DSTN: variants seen among roughly 807,000 people sequenced by gnomAD.
The protein encoded by DSTN is destrin, actin depolymerizing factor.
DSTN carries 10 observed loss-of-function variants against 16.8 expected under a neutral mutation model. That is an observed-to-expected ratio of 0.60 (90% CI 0.37 to 1.01). DSTN has a LOEUF of 1.01. Among genes scored for constraint, DSTN ranks in the 50% least tolerant of loss-of-function variants. The pLI, the probability that DSTN is intolerant of heterozygous loss-of-function variation, is 0.01. For missense variants in DSTN, 141 were observed against 196.7 expected, an observed-to-expected ratio of 0.72 and a Z score of 1.69; for synonymous variants, 57 against 58.9, an observed-to-expected ratio of 0.97 and a Z score of 0.14.
At chr20:17,586,246 T>A (rs988483166) in intron 1 of DSTN, among the ~76,000 whole-genome samples, 1 of 152,236 alleles carries the variant, frequency 6.6e-6, no homozygotes, top group Non-Finnish European at 1.5e-5. Context: ...AACCTTTATA[T>A]GCACAGGGAA....
At position 17,600,836 on chromosome 20, in the gene DSTN, G is replaced by A; in HGVS notation, c.102G>A (p.Lys34=). ...STPEEIKKRK[K]AVIFCLSADK... ...CAGAAGAAATCAAGAAAAGAAAGAAGGCTGTCATTTTTTGTCTCAGTGCAG... is the reference window on the plus strand; with the variant it reads ...CAGAAGAAATCAAGAAAAGAAAGAAAGCTGTCATTTTTTGTCTCAGTGCAG... The change falls in exon 2 of 4, where the codon AAG becomes AAA. Residue 34 remains lysine, a synonymous_variant. Transcript: ENST00000246069. The A allele has an allele frequency of 6.2e-7, 1 of 1,613,784 alleles. No individual in the cohort carries two copies. Among genetic ancestry groups the A allele is most frequent in the Non-Finnish European group, 8.5e-7 (1 of 1,179,818 alleles).
chr20:17,605,819 C>T (rs1447985179), intron 3 of DSTN, among the ~76,000 whole-genome samples: 4 of 152,136 alleles, frequency 2.6e-5, no homozygotes, highest in Admixed American at 2.0e-4. Context: ...AAGATAGTGG[C>T]CGGCTGGGTG....
intron 1 of DSTN, chr20:17,596,858 T>G (rs1224971835): frequency 2.1e-6 from 2 of 944,242 alleles, no homozygotes; most frequent in African/African-American, 3.5e-5. Flanking sequence ...TTTACTTTGT[T>G]TTTGATTACT....
intron 1 of DSTN, among the ~76,000 whole-genome samples, chr20:17,592,642 A>T (rs983673625): frequency 1.3e-4 from 20 of 152,126 alleles, no homozygotes; most frequent in South Asian, 8.3e-4. Context: ...AGTCATGAAG[A>T]GCCATACTAC....
rs144137183 is a variant in DSTN, at chr20:17,579,354, C to A, written c.3+9143C>A. Among the ~76,000 whole-genome samples, 358 of 152,192 alleles carry A rather than the reference C, an allele frequency of 2.4e-3. 1 individual carries two copies. Among genetic ancestry groups the A allele is most frequent in the Non-Finnish European group, 4.1e-3 (280 of 68,004 alleles). On this transcript the variant is annotated intron_variant, in intron 1 of 3. Transcript: ENST00000246069. The stretch of plus-strand genomic sequence containing the variant: ...CATTGGGAGGCCAAAGCAGGCAGAT[C>A]GCTTGAGCTTACGAGTTCGAGACCG...
chr20:17,591,363 C>A (rs1448460261), intron 1 of DSTN, among the ~76,000 whole-genome samples: 1 of 149,536 alleles, frequency 6.7e-6, no homozygotes, highest in Non-Finnish European at 1.5e-5. Flanking sequence ...TTGGGCAATC[C>A]TGTATATTTT....
At chr20:17,575,341 C>G (rs1012526868) in intron 1 of DSTN, among the ~76,000 whole-genome samples, 43 of 152,158 alleles carry the variant, frequency 2.8e-4, no homozygotes, top group African/African-American at 9.9e-4. Context: ...CATACAAATG[C>G]GTTGATTTTG....
At chr20:17,598,344 A>G (rs1026606610) in intron 1 of DSTN, among the ~76,000 whole-genome samples, 1 of 152,214 alleles carries the variant, frequency 6.6e-6, no homozygotes, top group Admixed American at 6.5e-5. Context: ...CCATGGCCCC[A>G]CAAACATTTG....
chr20:17,572,665 C>T (rs1039936883), intron 1 of DSTN, among the ~76,000 whole-genome samples: 1 of 152,214 alleles, frequency 6.6e-6, no homozygotes, highest in African/African-American at 2.4e-5. Context: ...AAAAACACTA[C>T]AACCCAGTGA....
chr20:17,572,654 C>CA (rs988831450), intron 1 of DSTN, among the ~76,000 whole-genome samples: 2 of 152,138 alleles, frequency 1.3e-5, no homozygotes, highest in African/African-American at 4.8e-5. Flanking sequence ...TGGTGATTAG[C>CA]AAAAACACTA....
At chr20:17,583,871 G>C (rs1387295707) in intron 1 of DSTN, among the ~76,000 whole-genome samples, 2 of 148,492 alleles carry the variant, frequency 1.3e-5, no homozygotes, top group Non-Finnish European at 3.0e-5. Context: ...TGAATAGCTG[G>C]AACTACAGGC....
intron 3 of DSTN, among the ~76,000 whole-genome samples, chr20:17,605,523 T>C (rs2035632376): frequency 6.6e-6 from 1 of 152,238 alleles, no homozygotes; most frequent in Admixed American, 6.5e-5. Context: ...AGAACAGGTT[T>C]GCCCTAGCCT....
intron 1 of DSTN, among the ~76,000 whole-genome samples, chr20:17,574,786 ATGAC>A (rs768794580): frequency 1.1e-4 from 16 of 147,648 alleles, no homozygotes; most frequent in East Asian, 4.0e-4. Flanking sequence ...ACAAGTAAAC[ATGAC>A]TGACTTTCTT....
rs1057376366 is a variant in DSTN, at chr20:17,604,441, T to C, written c.312-114T>C. 10 of 1,086,436 alleles carry C rather than the reference T, an allele frequency of 9.2e-6. No homozygotes were observed. The African/African-American group carries it at 1.1e-4, about 12-fold the overall frequency. 67.3% of individuals were successfully genotyped at this position (1,086,436 alleles called of 1,614,324 possible). ...AAAAATGTGCAGTTAAGAAAAAATA[T>C]CTCAGGAGAGTCTGAGGATTCTCAG... is the stretch of plus-strand genomic sequence containing the variant. On this transcript the variant is annotated intron_variant, in intron 2 of 3. Coordinates refer to ENST00000246069, the MANE Select transcript of DSTN (RefSeq NM_006870.4).
chr20:17,593,837 G>C (rs2035496652), intron 1 of DSTN, among the ~76,000 whole-genome samples: 1 of 152,142 alleles, frequency 6.6e-6, no homozygotes, highest in Admixed American at 6.5e-5. Flanking sequence ...TCAGCACTTT[G>C]GGAGGCCAAG....
chr20:17,609,855 T>C lies in DSTN; in HGVS notation c.*2709T>C, dbSNP rs1356301860. The C allele has an allele frequency of 2.0e-5, 3 of 152,210 alleles. No homozygotes were observed. The highest frequency in any genetic ancestry group is 6.5e-5 in the Admixed American group (1 of 15,280). 9.4% of individuals were successfully genotyped at this position (152,210 alleles called of 1,614,324 possible). On this transcript the variant is annotated 3_prime_UTR_variant, in exon 4 of 4. Transcript: ENST00000246069. ...ATATGTTTGTGGAAAGCTGACTTAG[T>C]CTCATCTAGCGGTTACTCTCTTGCC...
At chr20:17,603,006 C>A (rs559419503) in intron 2 of DSTN, among the ~76,000 whole-genome samples, 1 of 152,088 alleles carries the variant, frequency 6.6e-6, no homozygotes. Context: ...GGTGACAGAG[C>A]GAGACTCCGC....
intron 1 of DSTN, among the ~76,000 whole-genome samples, chr20:17,597,486 A>G (rs564880621): frequency 3.6e-4 from 55 of 152,312 alleles, no homozygotes; most frequent in African/African-American, 8.4e-4. Context: ...GTATAAATGT[A>G]TGGGGGTACA....
At chr20:17,600,612 G>T in intron 1 of DSTN, 126 bp from the exon 2 acceptor site, 1 of 1,171,958 alleles carries the variant, frequency 8.5e-7, no homozygotes, top group Admixed American at 3.2e-5. Context: ...CAAATTTCTA[G>T]TTTTTTAATT....
Sources: gnomAD v4.1 joint callset for allele counts (sites outside exome capture counted in the v4.1 genomes callset) on GRCh38, gnomAD v4.1.1 for gene constraint, MANE v1.5 for transcripts, NCBI Gene and HGNC (gene_info 2026-07-23, HGNC 2026-07-21) for gene names.